The following EVL variants were observed in gnomAD, a reference collection of about 807,000 sequenced individuals.
EVL encodes the protein Enah/Vasp-like.
In EVL, 21 loss-of-function variants were observed where a neutral mutation model predicts 59.6. The ratio of observed to expected loss-of-function variants is 0.35; its 90% CI spans 0.25 to 0.51. The LOEUF is 0.51. EVL is among the 20% of genes least tolerant of loss of function. The pLI is 0.97. For synonymous variants in EVL, 198 were observed against 203.5 expected, an observed-to-expected ratio of 0.97 and a Z score of 0.23; for missense variants, 462 against 546.6, an observed-to-expected ratio of 0.85 and a Z score of 1.54.
intron 1 of EVL, among the ~76,000 whole-genome samples, chr14:100,005,086 A>T (rs1483382473): frequency 2.6e-5 from 4 of 152,232 alleles, no homozygotes; most frequent in Admixed American, 6.5e-5. Flanking sequence ...GCCATTGCAA[A>T]ATTATAACAG....
intron 1 of EVL, among the ~76,000 whole-genome samples, chr14:99,998,619 C>A (rs370932556): frequency 1.3e-5 from 2 of 152,268 alleles, no homozygotes; most frequent in Middle Eastern, 3.4e-3. Context: ...AAGAATAAAT[C>A]ATCTGACATG....
At chr14:100,064,740 G>A (rs918011452), upstream of EVL, among the ~76,000 whole-genome samples, 12 of 152,194 alleles carry the variant, frequency 7.9e-5, no homozygotes, top group Middle Eastern at 3.4e-3. Flanking sequence ...GAGAAACCCC[G>A]TCTCTACTAA....
chr14:100,066,652 A>G (rs566826624), intron 1 of EVL, among the ~76,000 whole-genome samples: 1 of 152,358 alleles, frequency 6.6e-6, no homozygotes, highest in South Asian at 2.1e-4. Flanking sequence ...TCAAAGGCAT[A>G]TCAACTTCCA....
intron 1 of EVL, among the ~76,000 whole-genome samples, chr14:100,025,388 G>T (rs1301543503): frequency 6.6e-6 from 1 of 152,112 alleles, no homozygotes; most frequent in Non-Finnish European, 1.5e-5. Context: ...TCTCTGCCTG[G>T]ATTGCTCTGC....
At chr14:99,991,775 A>ATACATACATGTAACTTATAAAAGATGTGT (rs1360809400) in intron 1 of EVL, among the ~76,000 whole-genome samples, 1 of 152,220 alleles carries the variant, frequency 6.6e-6, no homozygotes, top group Admixed American at 6.5e-5. Context: ...AGTATATATA[A>ATACATACATGTAACTTATAAAAGATGTGT]TACATACATG....
intron 1 of EVL, chr14:100,019,654 CTGACTAGG>C: frequency 1.3e-6 from 2 of 1,532,846 alleles, no homozygotes; most frequent in Non-Finnish European, 1.7e-6. Flanking sequence ...GAAATTGTCT[CTGACTAGG>C]TCATGTTTGC....
At chr14:99,991,217 T>C (rs75151400) in intron 1 of EVL, among the ~76,000 whole-genome samples, 3,992 of 152,320 alleles carry the variant, frequency 0.026, 80 homozygotes, top group Non-Finnish European at 0.041. Context: ...AGTTTCTTAA[T>C]AACATTTTCT....
intron 3 of EVL, among the ~76,000 whole-genome samples, chr14:100,120,654 G>A (rs143459130): frequency 6.6e-6 from 1 of 152,292 alleles, no homozygotes; most frequent in East Asian, 1.9e-4. Context: ...TGGTGGGGCC[G>A]GGCCCAGTGT....
rs191782431 is a variant in EVL, at chr14:100,101,907, C to T, written c.358+4249C>T. On this transcript the variant is annotated intron_variant, in intron 3 of 13. Coordinates refer to ENST00000392920, the MANE Select transcript of EVL (RefSeq NM_016337.3). ...AGGCTGGAGTGCAGTGGCACTATCT[C>T]GGCTTATTGCAACCTCTGCCTCCTG... is the stretch of plus-strand genomic sequence containing the variant. Among the ~76,000 whole-genome samples the T allele has an allele frequency of 2.0e-4, 31 of 152,268 alleles. 1 individual carries two copies. In the South Asian group the frequency reaches 2.3e-3, roughly 11 times the overall value.
chr14:100,121,734 C>T (rs895873172), intron 3 of EVL, among the ~76,000 whole-genome samples: 2 of 152,172 alleles, frequency 1.3e-5, no homozygotes, highest in African/African-American at 4.8e-5. Context: ...AGCACACAAC[C>T]ACACAGGCCT....
At chr14:100,064,701 G>C (rs563838117), upstream of EVL, among the ~76,000 whole-genome samples, 9 of 152,220 alleles carry the variant, frequency 5.9e-5, no homozygotes, top group South Asian at 1.9e-3. Flanking sequence ...ACCTGAGGTC[G>C]GGAGTTCGTG....
chr14:100,051,342 A>G (rs955180993), intron 1 of EVL, among the ~76,000 whole-genome samples: 3 of 152,158 alleles, frequency 2.0e-5, no homozygotes, highest in Non-Finnish European at 4.4e-5. Flanking sequence ...ACTCTTGCTT[A>G]TGATGTATAC....
chr14:100,036,520 G>A (rs906827177), intron 1 of EVL, among the ~76,000 whole-genome samples: 19 of 152,008 alleles, frequency 1.2e-4, no homozygotes, highest in Admixed American at 5.9e-4. Flanking sequence ...GTGCACTCAG[G>A]TATTTAACTT....
At chr14:100,042,402 T>C (rs1409436464) in intron 1 of EVL, among the ~76,000 whole-genome samples, 2 of 152,222 alleles carry the variant, frequency 1.3e-5, no homozygotes, top group Non-Finnish European at 2.9e-5. Flanking sequence ...TTTCCAGACT[T>C]ACGTGATATT....
At chr14:100,129,523 T>A (rs1400899124) in intron 6 of EVL, 40 bp from the exon 7 acceptor site, 1 of 1,611,066 alleles carries the variant, frequency 6.2e-7, no homozygotes, top group Non-Finnish European at 8.5e-7. Flanking sequence ...TGTTCTGCCA[T>A]CAGCAGCAGA....
At chr14:99,988,591 C>T (rs906288570) in intron 1 of EVL, among the ~76,000 whole-genome samples, 4 of 152,020 alleles carry the variant, frequency 2.6e-5, no homozygotes, top group African/African-American at 9.7e-5. Flanking sequence ...AGGCAGATAG[C>T]CAAGAGAAAT....
chr14:100,060,971 C>CAAA (rs76129316), upstream of EVL, among the ~76,000 whole-genome samples: 7 of 88,380 alleles, frequency 7.9e-5, no homozygotes, highest in African/African-American at 1.3e-4. Flanking sequence ...TGCTGAAAGA[C>CAAA]AAAAAAAAAA....
chr14:100,121,811 A>G (rs995524021), intron 3 of EVL, among the ~76,000 whole-genome samples: 2 of 152,208 alleles, frequency 1.3e-5, no homozygotes, highest in African/African-American at 4.8e-5. Flanking sequence ...TGACCTGGGC[A>G]AGGCCAGACC....
Position 100,128,571 on chromosome 14 carries a change from A to G in EVL, c.540A>G (p.Ser180=). The change falls in exon 6 of 14, where the codon TCA becomes TCG. Residue 180 remains serine, a synonymous_variant. Coordinates refer to ENST00000392920, the MANE Select transcript of EVL (RefSeq NM_016337.3). ...CATCTGCAGCCAGCGCCCCCGTCTC[A>G]TGTAGTGGGCCTCCACCGCCCCCCC... ...HPSSAASAPV[S]CSGPPPPPPP... 1 of 1,607,812 alleles carries G rather than the reference A, an allele frequency of 6.2e-7. No homozygotes were observed. Among genetic ancestry groups the G allele is most frequent in the Non-Finnish European group, 8.5e-7 (1 of 1,177,796 alleles).
Sources: gnomAD v4.1 joint callset for allele counts (sites outside exome capture counted in the v4.1 genomes callset) on GRCh38, gnomAD v4.1.1 for gene constraint, MANE v1.5 for transcripts, NCBI Gene and HGNC (gene_info 2026-07-23, HGNC 2026-07-21) for gene names.